ABCC12: variants seen among roughly 807,000 people sequenced by gnomAD.
The protein encoded by ABCC12 is ATP binding cassette subfamily C member 12, also known as ATP-binding cassette sub-family C member 12.
A neutral mutation model predicts 151.1 loss-of-function variants in ABCC12; 142 were observed. That is an observed-to-expected ratio of 0.94 (90% CI 0.82 to 1.08). The LOEUF is 1.08. ABCC12 is among the 50% of genes least tolerant of loss of function. The pLI is 0.00. For synonymous variants in ABCC12, 645 were observed against 646.4 expected, an observed-to-expected ratio of 1.00 and a Z score of 0.03; for missense variants, 1,638 against 1,691.1, an observed-to-expected ratio of 0.97 and a Z score of 0.55.
At chr16:48,149,264 G>C in intron 2 of ABCC12, among the ~76,000 whole-genome samples, 1 of 119,402 alleles carries the variant, frequency 8.4e-6, no homozygotes, top group African/African-American at 3.6e-5. Context: ...AAAAAAAAAA[G>C]GTAGGCAAGG....
chr16:48,154,884 T>C (rs1965163510), intron 1 of ABCC12, among the ~76,000 whole-genome samples: 1 of 152,266 alleles, frequency 6.6e-6, no homozygotes, highest in Non-Finnish European at 1.5e-5. Context: ...TCTTTCTTAA[T>C]AAATCCATTG....
At chr16:48,141,479 A>G in intron 4 of ABCC12, 126 bp from the exon 5 acceptor site, 1 of 1,260,918 alleles carries the variant, frequency 7.9e-7, no homozygotes, top group African/African-American at 1.5e-5. Flanking sequence ...GGTGCCTTCC[A>G]GCACTGGCTC....
At chr16:48,108,651 C>T in intron 18 of ABCC12, 122 bp from the exon 19 acceptor site, 4 of 692,658 alleles carry the variant, frequency 5.8e-6, no homozygotes, top group South Asian at 3.6e-5. Flanking sequence ...TCCTTCCACT[C>T]GTCCCATGCT....
intron 2 of ABCC12, 38 bp downstream of exon 2, chr16:48,153,578 T>G (rs939688821): frequency 1.3e-5 from 2 of 152,202 alleles, no homozygotes; most frequent in Non-Finnish European, 2.9e-5. Flanking sequence ...CCAGCCCCTT[T>G]GAGAAGGTGG....
chr16:48,127,337 CATGCAGGAG>C (rs1266969324), intron 11 of ABCC12, among the ~76,000 whole-genome samples: 1 of 152,170 alleles, frequency 6.6e-6, no homozygotes, highest in African/African-American at 2.4e-5. Context: ...GAAGGAGATG[CATGCAGGAG>C]ATGCAGGAAG....
chr16:48,088,644 G>A lies in ABCC12; in HGVS notation c.3376C>T (p.Gln1126Ter), dbSNP rs1179998071. Residue 1126 changes from glutamine to a stop codon, truncating the protein, a stop_gained, in exon 26 of 31, where the codon CAG (glutamine) becomes TAG (stop). Transcript: ENST00000311303. LOFTEE classifies it high-confidence loss of function. ...SRGEITFRDYQMRYRDNTPLV... is the reference protein window; with the variant it reads ...SRGEITFRDY The stretch of plus-strand genomic sequence containing the variant: ...GGGGTGTTGTCTCTGTATCTCATCT[G>A]ATAGTCTCTGAAGGTGATCTCCCCA... 5 of 1,614,216 alleles carry A rather than the reference G, an allele frequency of 3.1e-6. No individual in the cohort carries two copies. The highest frequency in any genetic ancestry group is 4.2e-6 in the Non-Finnish European group (5 of 1,180,026).
At chr16:48,130,395 G>C (rs778694835) in intron 10 of ABCC12, among the ~76,000 whole-genome samples, 3 of 152,162 alleles carry the variant, frequency 2.0e-5, no homozygotes, top group Non-Finnish European at 4.4e-5. Context: ...CTAAATGAGT[G>C]CATAAATGTA....
chr16:48,117,891 CT>C (rs1223014623), intron 13 of ABCC12, among the ~76,000 whole-genome samples: 1 of 152,204 alleles, frequency 6.6e-6, no homozygotes, highest in Admixed American at 6.5e-5. Context: ...GTTTTCTCCC[CT>C]GCAACAACTC....
intron 24 of ABCC12, among the ~76,000 whole-genome samples, chr16:48,095,302 G>T (rs137919129): frequency 2.0e-5 from 3 of 152,046 alleles, no homozygotes; most frequent in Non-Finnish European, 4.4e-5. Context: ...CAAGTAAGAC[G>T]TGCCTTTCAC....
chr16:48,124,916 A>T (rs1378505953), intron 11 of ABCC12, among the ~76,000 whole-genome samples: 1 of 152,238 alleles, frequency 6.6e-6, no homozygotes, highest in Non-Finnish European at 1.5e-5. Flanking sequence ...GAAGATGGAC[A>T]GGAAGCAAGA....
Position 48,083,926 on chromosome 16 carries a change from C to A in ABCC12, c.3976G>T (p.Val1326Phe), listed in dbSNP as rs368257926. ...NTVLNCDHVL[V>F]MENGKVIEFD... ...TCCTATACCTTCCCATTTTCCATAACCAGGACGTGATCGCAGTTGAGAACT... is the reference window on the plus strand; with the variant it reads ...TCCTATACCTTCCCATTTTCCATAAACAGGACGTGATCGCAGTTGAGAACT... Residue 1326 changes from valine (V) to phenylalanine (F), a missense_variant, in exon 30 of 31, where the codon GTT becomes TTT. Val to Phe is a conservative substitution (Grantham distance 50, BLOSUM62 -1). Transcript: ENST00000311303. 11 of 1,612,494 alleles carry A rather than the reference C, an allele frequency of 6.8e-6. No homozygotes were observed. The highest frequency in any genetic ancestry group is 2.7e-5 in the African/African-American group (2 of 74,768).
chr16:48,100,042 C>A (rs1385711299), intron 23 of ABCC12, among the ~76,000 whole-genome samples: 4 of 151,780 alleles, frequency 2.6e-5, no homozygotes, highest in Non-Finnish European at 1.5e-5. Flanking sequence ...TCACTGTAAC[C>A]TCTGCCTCCC....
chr16:48,117,218 C>T (rs1597313852), intron 14 of ABCC12, 43 bp downstream of exon 14: 9 of 1,581,282 alleles, frequency 5.7e-6, no homozygotes, highest in Non-Finnish European at 7.8e-6. Context: ...AGCAAATGTA[C>T]TGTGTGCAGC....
At chr16:48,117,474 C>T (rs1278138576) in intron 13 of ABCC12, 141 bp from the exon 14 acceptor site, 5 of 808,806 alleles carry the variant, frequency 6.2e-6, no homozygotes, top group African/African-American at 3.4e-5. Flanking sequence ...CCTGGCCAGT[C>T]GCTCTGCCTT....
At chr16:48,123,148 A>G (rs1056841628) in intron 12 of ABCC12, among the ~76,000 whole-genome samples, 1 of 152,238 alleles carries the variant, frequency 6.6e-6, no homozygotes, top group African/African-American at 2.4e-5. Flanking sequence ...TCCAATATAC[A>G]TCAAAACTCT....
At chr16:48,115,640 C>T in intron 14 of ABCC12, 22 bp from the exon 15 acceptor site, 1 of 1,602,900 alleles carries the variant, frequency 6.2e-7, no homozygotes, top group Non-Finnish European at 8.5e-7. Context: ...GACAATGCTA[C>T]TGCCCATTGT....
At chr16:48,133,448 C>T (rs895591756) in intron 9 of ABCC12, among the ~76,000 whole-genome samples, 6 of 151,798 alleles carry the variant, frequency 4.0e-5, no homozygotes, top group Admixed American at 2.0e-4. Flanking sequence ...ATTGCTTGAA[C>T]CCAGGAGGCA....
Position 48,105,240 on chromosome 16 carries a change from T to C in ABCC12, c.2572A>G (p.Ser858Gly), listed in dbSNP as rs1963450404. ...QHVYQWVYTA[S>G]MVFMLVFGVT... ...CCAAACACCAGCATGAACACCATGC[T>C]TGCAGTGTACACCCACTGGTACACA... is the stretch of plus-strand genomic sequence containing the variant. The change falls in exon 21 of 31, where the codon AGC (serine) becomes GGC (glycine). Residue 858 changes from serine to glycine, a missense_variant. Coordinates refer to ENST00000311303, the MANE Select transcript of ABCC12 (RefSeq NM_001393797.1). 6.2e-7 allele frequency: 1 copy of C among 1,614,038 alleles called. No homozygotes were observed. The highest frequency in any genetic ancestry group is 1.1e-5 in the South Asian group (1 of 91,086).
At chr16:48,085,539 G>A in intron 29 of ABCC12, 54 bp downstream of exon 29, 1 of 1,485,730 alleles carries the variant, frequency 6.7e-7, no homozygotes, top group Non-Finnish European at 9.4e-7. Flanking sequence ...TGGATTGAGT[G>A]GCGCTGCGGG....
Sources: allele counts gnomAD v4.1 joint callset (sites outside exome capture counted in the v4.1 genomes callset), GRCh38; gene constraint gnomAD v4.1.1; transcripts MANE v1.5; gene names NCBI Gene and HGNC (gene_info 2026-07-23, HGNC 2026-07-21).